Variants in HORMAD2 observed in about 807,000 individuals in gnomAD.
The protein encoded by HORMAD2 is HORMA domain containing 2.
HORMAD2 carries 45 observed loss-of-function variants against 38.8 expected under a neutral mutation model. The ratio of observed to expected loss-of-function variants is 1.16; its 90% CI spans 0.91 to 1.49. The LOEUF (loss-of-function observed/expected upper bound fraction) is 1.49, where lower values mean the gene tolerates loss of function less well. Ranked by LOEUF, HORMAD2 falls within the 40% of genes most tolerant of loss-of-function variation. The pLI is 0.00. For missense variants in HORMAD2, 338 were observed against 367.0 expected (o/e 0.92, Z 0.65); for synonymous variants, 126 against 122.8 (o/e 1.03, Z -0.17).
At chr22:30,205,934 T>C in the HORMAD2 span, among the ~76,000 whole-genome samples, 13 of 152,132 alleles carry the variant, frequency 8.5e-5, no homozygotes. Flanking sequence ...GCAGCCTTTG[T>C]CCTGTGGGAC....
intron 10 of HORMAD2, among the ~76,000 whole-genome samples, chr22:30,172,885 T>G (rs1335688353): frequency 6.7e-6 from 1 of 150,214 alleles, no homozygotes. Context: ...GAGACTCCGT[T>G]TCAAAAAAAA....
At chr22:30,091,262 CT>C (rs1569081364) in intron 1 of HORMAD2, among the ~76,000 whole-genome samples, 2 of 116,630 alleles carry the variant, frequency 1.7e-5, no homozygotes, top group African/African-American at 8.8e-5. Context: ...TTCTCTCTTT[CT>C]TTCTTTTTTT....
intron 10 of HORMAD2, among the ~76,000 whole-genome samples, chr22:30,138,343 A>G (rs1408741014): frequency 6.6e-6 from 1 of 151,132 alleles, no homozygotes; most frequent in African/African-American, 2.4e-5. Context: ...TTTTTAAAAT[A>G]TTTTTGTGGA....
the HORMAD2 span, among the ~76,000 whole-genome samples, chr22:30,196,271 A>G: frequency 6.6e-6 from 1 of 152,228 alleles, no homozygotes; most frequent in Non-Finnish European, 1.5e-5. Flanking sequence ...ATACAGCTTC[A>G]GTCATGACTC....
chr22:30,128,233 T>A (rs1333996961), intron 10 of HORMAD2, among the ~76,000 whole-genome samples: 1 of 152,188 alleles, frequency 6.6e-6, no homozygotes, highest in Non-Finnish European at 1.5e-5. Flanking sequence ...ATTAAAGTAA[T>A]TTAAAAACCA....
chr22:30,093,646 A>G (rs1163003305), intron 1 of HORMAD2, among the ~76,000 whole-genome samples: 1 of 152,124 alleles, frequency 6.6e-6, no homozygotes, highest in Non-Finnish European at 1.5e-5. Flanking sequence ...GAAAATTAAC[A>G]ATAGGTACTT....
At chr22:30,088,034 T>C (rs1299797762) in intron 1 of HORMAD2, among the ~76,000 whole-genome samples, 2 of 145,140 alleles carry the variant, frequency 1.4e-5, no homozygotes, top group Non-Finnish European at 3.1e-5. Context: ...GATCTGTATA[T>C]GTGTATACAC....
the HORMAD2 span, among the ~76,000 whole-genome samples, chr22:30,205,519 C>T: frequency 3.3e-5 from 5 of 152,140 alleles, no homozygotes; most frequent in Non-Finnish European, 7.4e-5. Context: ...CATTCCCGGA[C>T]GTCCAGCTCC....
chr22:30,112,235 A>G (rs1903939366), intron 6 of HORMAD2, among the ~76,000 whole-genome samples: 1 of 152,128 alleles, frequency 6.6e-6, no homozygotes, highest in Admixed American at 6.5e-5. Context: ...ATTTTAAACC[A>G]TAATGGATTA....
chr22:30,156,709 T>C (rs1925098339), intron 10 of HORMAD2, among the ~76,000 whole-genome samples: 1 of 152,258 alleles, frequency 6.6e-6, no homozygotes, highest in Non-Finnish European at 1.5e-5. Context: ...AGGCAATATC[T>C]ACATTGAATT....
chr22:30,136,431 A>G (rs553037628), intron 10 of HORMAD2, among the ~76,000 whole-genome samples: 1 of 152,232 alleles, frequency 6.6e-6, no homozygotes, highest in South Asian at 2.1e-4. Flanking sequence ...CCTGAAAAAA[A>G]CCCGTATTCT....
the HORMAD2 span, among the ~76,000 whole-genome samples, chr22:30,190,501 T>C: frequency 6.6e-6 from 1 of 152,214 alleles, no homozygotes; most frequent in Non-Finnish European, 1.5e-5. Flanking sequence ...GAAGTCCCCA[T>C]TGGCACCTGT....
chr22:30,129,364 A>G (rs1856714966), intron 10 of HORMAD2, among the ~76,000 whole-genome samples: 1 of 152,108 alleles, frequency 6.6e-6, no homozygotes, highest in Non-Finnish European at 1.5e-5. Flanking sequence ...TAACACCTAC[A>G]TAATGTAATA....
chr22:30,080,035 C>T (rs908204931), upstream of HORMAD2: 1 of 152,226 alleles, frequency 6.6e-6, no homozygotes, highest in East Asian at 1.9e-4. Context: ...GCTTCCCTCC[C>T]CTACGCCGCC....
the HORMAD2 span, among the ~76,000 whole-genome samples, chr22:30,186,980 C>T: frequency 6.6e-6 from 1 of 152,078 alleles, no homozygotes; most frequent in East Asian, 1.9e-4. Flanking sequence ...TAAGAATTTT[C>T]GACACCCACC....
At chr22:30,169,324 C>T (rs1462126463) in intron 10 of HORMAD2, among the ~76,000 whole-genome samples, 1 of 152,020 alleles carries the variant, frequency 6.6e-6, no homozygotes, top group Non-Finnish European at 1.5e-5. Context: ...TAGTGTTTAA[C>T]ACAATGTCTG....
chr22:30,179,894 A>G (rs924822052), downstream of HORMAD2, among the ~76,000 whole-genome samples: 10 of 151,830 alleles, frequency 6.6e-5, no homozygotes, highest in Admixed American at 5.3e-4. Context: ...TTAAACTTTT[A>G]TTTTATTTTA....
At chr22:30,141,206 C>T (rs939694591) in intron 10 of HORMAD2, among the ~76,000 whole-genome samples, 1 of 152,076 alleles carries the variant, frequency 6.6e-6, no homozygotes, top group Non-Finnish European at 1.5e-5. Context: ...CCATGTTGGC[C>T]AGGCTTGTCT....
intron 5 of HORMAD2, among the ~76,000 whole-genome samples, chr22:30,108,895 TTTCTC>T (rs1921410515): frequency 2.6e-5 from 4 of 151,990 alleles, no homozygotes; most frequent in Admixed American, 2.6e-4. Context: ...TTTTTTTTCT[TTTCTC>T]TTTCTTTCTC....
Sources: gnomAD v4.1 joint callset for allele counts (sites outside exome capture counted in the v4.1 genomes callset) on GRCh38, gnomAD v4.1.1 for gene constraint, MANE v1.5 for transcripts, NCBI Gene and HGNC (gene_info 2026-07-23, HGNC 2026-07-21) for gene names.